The following FBH1 variants were observed in gnomAD, a reference collection of about 807,000 sequenced individuals.
The protein encoded by FBH1 is F-box DNA helicase 1.
In FBH1, 43 loss-of-function variants were observed where a neutral mutation model predicts 115.5. The ratio of observed to expected loss-of-function variants is 0.37; its 90% CI spans 0.29 to 0.48. The LOEUF (loss-of-function observed/expected upper bound fraction) is 0.48. Ranked by LOEUF, FBH1 falls within the 20% of genes least tolerant of loss-of-function variation. The pLI is 0.99. For missense variants in FBH1, 1,001 were observed against 1,337.3 expected (o/e 0.75, Z 3.92); for synonymous variants, 524 against 507.8 (o/e 1.03, Z -0.43).
Position 5,933,647 on chromosome 10 carries a change from T to G in FBH1, c.2830-2809T>G, listed in dbSNP as rs1290886128. Among the ~76,000 whole-genome samples, 3 of 151,924 alleles carry G rather than the reference T, an allele frequency of 2.0e-5. No homozygotes were observed. Among genetic ancestry groups the G allele is most frequent in the Admixed American group, 6.6e-5 (1 of 15,244 alleles). ...AGAAGTGGAGGCACTCTGCTGTTTT[T>G]TTTTTTTTTTTAAAAAACAGAGTCT... On this transcript the variant is annotated intron_variant, in intron 19 of 20. Coordinates refer to ENST00000362091, the MANE Select transcript of FBH1 (RefSeq NM_178150.3). The surrounding 1 kb of genome is among the most constrained non-coding windows in gnomAD (Gnocchi z 4.9).
At chr10:5,926,612 C>T (rs1049202422) in intron 18 of FBH1, among the ~76,000 whole-genome samples, 1 of 152,180 alleles carries the variant, frequency 6.6e-6, no homozygotes, top group African/African-American at 2.4e-5. Flanking sequence ...ATGGAAACCA[C>T]AGTATTTGTG....
chr10:5,936,488 C>A lies in FBH1; in HGVS notation c.2862C>A (p.Asn954Lys), dbSNP rs757231067. The A allele has an allele frequency of 3.1e-6, 5 of 1,613,908 alleles. No homozygotes were observed. The highest frequency in any genetic ancestry group is 4.2e-6 in the Non-Finnish European group (5 of 1,180,010). Residue 954 changes from asparagine to lysine, a missense_variant, in exon 20 of 21, where the codon AAC becomes AAA. Physicochemically the swap from Asn to Lys is moderately conservative, Grantham distance 94. Transcript: ENST00000362091. The surrounding 1 kb of genome is among the most constrained non-coding windows in gnomAD (Gnocchi z 5.6). ...EYFLQAELTS[N>K]VLKTGVVRCC... ...TCTTGCAAGCAGAGCTGACAAGCAA[C>A]GTCTTAAAAACAGGCGTGGTGCGCT...
At position 5,936,375 on chromosome 10, in the gene FBH1, C is replaced by A; in HGVS notation, c.2830-81C>A. The A allele has an allele frequency of 6.5e-7, 1 of 1,535,202 alleles. No individual in the cohort carries two copies. On this transcript the variant is annotated intron_variant, in intron 19 of 20. Coordinates refer to ENST00000362091, the MANE Select transcript of FBH1 (RefSeq NM_178150.3). This position sits in a 1 kb window ranked among gnomAD's most constrained non-coding sequence, Gnocchi z 5.6. The stretch of plus-strand genomic sequence containing the variant: ...TTACAGTGCATCTAAAGGGTTCTCA[C>A]AGAGCCGCCGCTATCAGTGTTTCCA...
intron 3 of FBH1, among the ~76,000 whole-genome samples, chr10:5,908,365 C>A (rs1176716101): frequency 6.6e-6 from 1 of 152,142 alleles, no homozygotes; most frequent in Non-Finnish European, 1.5e-5. Context: ...CCCATTGAAA[C>A]CCTGAGTTAC....
chr10:5,894,038 C>G (rs1842878025), intron 1 of FBH1: 1 of 985,254 alleles, frequency 1.0e-6, no homozygotes, highest in South Asian at 4.7e-5. Flanking sequence ...AGTGCTGTCT[C>G]CAAGGGAGTC....
chr10:5,917,428 C>G lies in FBH1; in HGVS notation c.1797C>G (p.Val599=), dbSNP rs891037299. The G allele has an allele frequency of 6.2e-7, 1 of 1,614,066 alleles. No individual in the cohort carries two copies. The highest frequency in any genetic ancestry group is 8.5e-7 in the Non-Finnish European group (1 of 1,179,982). Residue 599 remains valine (V), a synonymous_variant, in exon 11 of 21, where the codon GTC becomes GTG. Coordinates refer to ENST00000362091, the MANE Select transcript of FBH1 (RefSeq NM_178150.3). The surrounding 1 kb of genome is among the most constrained non-coding windows in gnomAD (Gnocchi z 5.6). ...MVEQSEKLNG[V]LEASRLWDNM... Reference sequence around the variant, plus strand: ...TATGCTTTACTTCCTAGAATGGTGTCCTTGAAGCGAGCCGCCTCTGGGATA... The same window carrying G: ...TATGCTTTACTTCCTAGAATGGTGTGCTTGAAGCGAGCCGCCTCTGGGATA...
Position 5,923,560 on chromosome 10 carries a change from ACAAAC to A in FBH1, c.2323-60_2323-56del. ...TTTATTTTGTTTTGTTAAAGCAACA[ACAAAC>A]AAAACAAAACAAAAAACAACAAAAA... On this transcript the variant is annotated intron_variant, in intron 15 of 20. Coordinates refer to ENST00000362091, the MANE Select transcript of FBH1 (RefSeq NM_178150.3). This position sits in a 1 kb window ranked among gnomAD's most constrained non-coding sequence, Gnocchi z 5.7. 7.0e-7 allele frequency: 1 copy of A among 1,423,338 alleles called. No individual in the cohort carries two copies. 88.2% of individuals were successfully genotyped at this position (1,423,338 alleles called of 1,614,324 possible).
intron 18 of FBH1, among the ~76,000 whole-genome samples, chr10:5,926,300 G>C (rs1367907133): frequency 6.6e-6 from 1 of 152,024 alleles, no homozygotes; most frequent in Admixed American, 6.5e-5. Context: ...TTTTAGTAGA[G>C]ACGGGGTTTC....
chr10:5,909,252 G>A lies in FBH1; in HGVS notation c.978G>A (p.Ala326=), dbSNP rs536473096. The A allele has an allele frequency of 1.5e-5, 24 of 1,612,682 alleles. No homozygotes were observed. In the South Asian group the frequency reaches 1.9e-4, roughly 13 times the overall value. ...ACCCCCTCCTCCCCGAGGCTGAGGCGTGTGTGCGGCAACACCTCCCCGACC... is the reference window on the plus strand; with the variant it reads ...ACCCCCTCCTCCCCGAGGCTGAGGCATGTGTGCGGCAACACCTCCCCGACC... ...RDHPLLPEAE[A]CVRQHLPDLY... Residue 326 remains alanine, a synonymous_variant, in exon 5 of 21, where the codon GCG becomes GCA. Transcript: ENST00000362091. This position sits in a 1 kb window ranked among gnomAD's most constrained non-coding sequence, Gnocchi z 4.4.
chr10:5,935,721 T>C lies in FBH1; in HGVS notation c.2830-735T>C, dbSNP rs17146580. On this transcript the variant is annotated intron_variant, in intron 19 of 20. Coordinates refer to ENST00000362091, the MANE Select transcript of FBH1 (RefSeq NM_178150.3). The surrounding 1 kb of genome is among the most constrained non-coding windows in gnomAD (Gnocchi z 5.2). ...GAATAAGTAGATCAATAGCTGGTCA[T>C]AATCCAGAAAATACGAAACCGTCCT... is the stretch of plus-strand genomic sequence containing the variant. The C allele has an allele frequency of 0.034, 5,247 of 152,360 alleles. 167 individuals are homozygous for C. Among genetic ancestry groups the C allele is most frequent in the East Asian group, 0.14 (706 of 5,180 alleles). The allele number at this position is 152,360 out of a possible 1,614,324, so 9.4% of individuals were successfully genotyped here. A position where few individuals can be genotyped will look rare whatever the true frequency, so the allele number is the denominator to read the frequency against.
intron 19 of FBH1, chr10:5,928,425 C>A (rs992978736): frequency 6.6e-6 from 1 of 152,258 alleles, no homozygotes; most frequent in African/African-American, 2.4e-5. Flanking sequence ...GCTGGAGTTA[C>A]AGGTGTGAGC....
chr10:5,936,801 T>C lies in FBH1; in HGVS notation c.2961+214T>C, dbSNP rs928458242. On this transcript the variant is annotated intron_variant, in intron 20 of 20. Coordinates refer to ENST00000362091, the MANE Select transcript of FBH1 (RefSeq NM_178150.3). The surrounding 1 kb of genome is among the most constrained non-coding windows in gnomAD (Gnocchi z 5.6). ...CCTGGCTGTGCTGAAGCCGCAGGTC[T>C]GGGAGGCTGGGTTGTGATACACGCT... The C allele has an allele frequency of 4.6e-6, 3 of 647,406 alleles. No homozygotes were observed. Among genetic ancestry groups the C allele is most frequent in the Non-Finnish European group, 7.8e-6 (3 of 386,932 alleles). 40.1% of individuals were successfully genotyped at this position (647,406 alleles called of 1,614,324 possible).
chr10:5,918,355 A>C lies in FBH1; in HGVS notation c.1977A>C (p.Ile659=), dbSNP rs1832102481. Residue 659 remains isoleucine, a synonymous_variant, in exon 13 of 21, where the codon ATA becomes ATC. Coordinates refer to ENST00000362091, the MANE Select transcript of FBH1 (RefSeq NM_178150.3). This position sits in a 1 kb window ranked among gnomAD's most constrained non-coding sequence, Gnocchi z 4.0. ...AQDCTPAIMN[I]VLSQPCGKIF... ...CGTTGGTTACAGCTATCATGAACAT[A>C]GTTCTGTCTCAGCCATGTGGGAAAA... The C allele has an allele frequency of 3.1e-6, 5 of 1,612,832 alleles. No individual in the cohort carries two copies. Among genetic ancestry groups the C allele is most frequent in the African/African-American group, 1.3e-5 (1 of 74,774 alleles).
chr10:5,929,719 A>G (rs1331136594), intron 19 of FBH1: 1 of 152,332 alleles, frequency 6.6e-6, no homozygotes, highest in South Asian at 2.1e-4. Flanking sequence ...TTAATTCACA[A>G]AAACGGCCAT....
rs990716282 is a variant in FBH1 at position 5,918,925 on chromosome 10, A to G, written c.2100+447A>G. Among the ~76,000 whole-genome samples, 1 of 152,268 alleles carries G rather than the reference A, an allele frequency of 6.6e-6. No individual in the cohort carries two copies. Among genetic ancestry groups the G allele is most frequent in the Admixed American group, 6.5e-5 (1 of 15,286 alleles). On this transcript the variant is annotated intron_variant, in intron 13 of 20. Coordinates refer to ENST00000362091, the MANE Select transcript of FBH1 (RefSeq NM_178150.3). This position sits in a 1 kb window ranked among gnomAD's most constrained non-coding sequence, Gnocchi z 4.0. ...TCCCATAATGAATGTGACAACTCAC[A>G]GTGTCCTTGATTATGCGAAAAGTTT...
intron 2 of FBH1, among the ~76,000 whole-genome samples, chr10:5,904,680 A>G (rs56369297): frequency 0.29 from 44,108 of 152,028 alleles, 6,952 homozygotes; most frequent in Non-Finnish European, 0.35. Flanking sequence ...GGGCAACATA[A>G]TGAGACCCCG....
At chr10:5,891,908 A>C (rs1842758058) in intron 1 of FBH1, among the ~76,000 whole-genome samples, 1 of 152,202 alleles carries the variant, frequency 6.6e-6, no homozygotes, top group African/African-American at 2.4e-5. Context: ...CACCGTGCCT[A>C]GCCAGGTTGG....
rs763081689 is a variant in FBH1 at position 5,936,564 on chromosome 10, A to G, written c.2938A>G (p.Met980Val). ...NAIPVDTVLT[M>V]KKLPITYSNR... ...CATCCCTGTTGACACCGTCCTTACC[A>G]TGAAGAAGCTGCCCATCACCTATGT... is the stretch of plus-strand genomic sequence containing the variant. Residue 980 changes from methionine to valine, a missense_variant, in exon 20 of 21, where the codon ATG becomes GTG. This residue lies in a region of FBH1 where 521 missense variants were observed against 811.0 expected (regional missense o/e 0.64). Transcript: ENST00000362091. This position sits in a 1 kb window ranked among gnomAD's most constrained non-coding sequence, Gnocchi z 5.6. 6.2e-7 allele frequency: 1 copy of G among 1,614,124 alleles called. No homozygotes were observed. Among genetic ancestry groups the G allele is most frequent in the South Asian group, 1.1e-5 (1 of 91,088 alleles).
chr10:5,926,796 A>C (rs1832677303), intron 18 of FBH1, among the ~76,000 whole-genome samples: 1 of 152,232 alleles, frequency 6.6e-6, no homozygotes, highest in South Asian at 2.1e-4. Flanking sequence ...CAAAGTGTAC[A>C]ATTCAGCAGC....
Sources: gnomAD v4.1 joint callset for allele counts (sites outside exome capture counted in the v4.1 genomes callset) on GRCh38, gnomAD v4.1.1 for gene constraint, gnomAD v4.1.1 regional missense constraint, Gnocchi (gnomAD v3.1) non-coding constraint, MANE v1.5 for transcripts, NCBI Gene and HGNC (gene_info 2026-07-23, HGNC 2026-07-21) for gene names.